The following YAP1 variants were observed in gnomAD, a reference collection of about 807,000 sequenced individuals.
The protein encoded by YAP1 is Yes1 associated transcriptional regulator.
YAP1 carries 5 observed loss-of-function variants against 56.9 expected under a neutral mutation model. The observed-to-expected ratio is 0.09, with a 90% CI of 0.05 to 0.18. The LOEUF (loss-of-function observed/expected upper bound fraction) is 0.18. Among genes scored for constraint, YAP1 ranks in the 10% least tolerant of loss-of-function variants. YAP1 has a pLI of 1.00. For missense variants in YAP1, 539 were observed against 651.8 expected, an observed-to-expected ratio of 0.83 and a Z score of 1.88; for synonymous variants, 265 against 248.1, an observed-to-expected ratio of 1.07 and a Z score of -0.64.
intron 2 of YAP1, among the ~76,000 whole-genome samples, chr11:102,160,355 T>G (rs1217896006): frequency 3.3e-5 from 5 of 152,130 alleles, no homozygotes; most frequent in Non-Finnish European, 5.9e-5. Context: ...AACCACCAAC[T>G]TAAAGGTGTA....
At chr11:102,186,263 G>A (rs1947940139) in intron 4 of YAP1, 132 bp downstream of exon 4, 1 of 973,126 alleles carries the variant, frequency 1.0e-6, no homozygotes, top group Non-Finnish European at 1.5e-6. Flanking sequence ...CCCACCCAAT[G>A]TTTACCAGTA....
intron 7 of YAP1, 150 bp from the exon 8 acceptor site, chr11:102,227,319 G>A (rs1591479739): frequency 1.6e-6 from 1 of 624,136 alleles, no homozygotes; most frequent in Non-Finnish European, 2.9e-6. Context: ...CTATGGCCCT[G>A]AGGGAGGGTG....
At chr11:102,140,412 A>G (rs1265960466) in intron 2 of YAP1, among the ~76,000 whole-genome samples, 1 of 152,198 alleles carries the variant, frequency 6.6e-6, no homozygotes, top group East Asian at 1.9e-4. Context: ...TCATATGGGC[A>G]TTCTATAAAA....
At chr11:102,150,231 G>A (rs1050488931) in intron 2 of YAP1, among the ~76,000 whole-genome samples, 4 of 151,916 alleles carry the variant, frequency 2.6e-5, no homozygotes, top group African/African-American at 4.8e-5. Flanking sequence ...TGATCCTCCC[G>A]CCTCGGCTTC....
chr11:102,223,223 G>GGT (rs1047307523), intron 6 of YAP1, among the ~76,000 whole-genome samples: 1 of 149,998 alleles, frequency 6.7e-6, no homozygotes, highest in African/African-American at 2.5e-5. Context: ...ACTCCAGCCT[G>GGT]GTGACAGAGT....
In YAP1 at chr11:102,231,332, C is replaced by G. The variant is rs1308209316; in HGVS notation, c.*1392C>G. ...TGGAAGTAAATTCTAGTTTGTAGTT[C>G]TCATTTGTAATGAACACATTAACGA... On this transcript the variant is annotated 3_prime_UTR_variant, in exon 9 of 9. Coordinates refer to ENST00000282441, the MANE Select transcript of YAP1 (RefSeq NM_001130145.3). 3 of 152,260 alleles carry G rather than the reference C, an allele frequency of 2.0e-5. No homozygotes were observed. The highest frequency in any genetic ancestry group is 7.2e-5 in the African/African-American group (3 of 41,544). The allele number at this position is 152,260 out of a possible 1,614,324, so 9.4% of individuals were successfully genotyped here.
intron 6 of YAP1, among the ~76,000 whole-genome samples, chr11:102,223,275 A>AG (rs1442845731): frequency 2.0e-5 from 3 of 151,408 alleles, no homozygotes; most frequent in African/African-American, 7.3e-5. Context: ...AAAAAAAAGA[A>AG]GAATTTTTTT....
intron 2 of YAP1, among the ~76,000 whole-genome samples, chr11:102,141,759 T>C (rs1328608974): frequency 6.6e-6 from 1 of 152,254 alleles, no homozygotes; most frequent in East Asian, 1.9e-4. Context: ...GCCTGATTGC[T>C]TATTCTCCTC....
chr11:102,170,508 T>C (rs1419249292), intron 3 of YAP1, among the ~76,000 whole-genome samples: 1 of 152,112 alleles, frequency 6.6e-6, no homozygotes, highest in African/African-American at 2.4e-5. Context: ...TGCTTTACTT[T>C]AGAGATTATC....
chr11:102,180,331 A>G lies in YAP1; in HGVS notation c.689-5687A>G, dbSNP rs1435583887. 2.6e-5 allele frequency among the ~76,000 whole-genome samples: 4 copies of G among 152,140 alleles called. No individual in the cohort carries two copies. The South Asian group carries it at 6.2e-4, about 24-fold the overall frequency. On this transcript the variant is annotated intron_variant, in intron 3 of 8. Transcript: ENST00000282441. ...GACAAAAATGGAAAATGCAAAATAT[A>G]TACTCCTGTGTTCAGGAATTTCACA...
At position 102,162,525 on chromosome 11, in the gene YAP1, C is replaced by T. The variant is rs781535466; in HGVS notation, c.642C>T (p.Ala214=). ...KAMLSQMNVT[A]PTSPPVQQNM... is the part of the protein sequence containing the mutation. ...TGCTGTCCCAGATGAACGTCACAGC[C>T]CCCACCAGTCCACCAGTGCAGCAGA... The change falls in exon 3 of 9, where the codon GCC becomes GCT. Residue 214 remains alanine (A), a synonymous_variant. Transcript: ENST00000282441. 9.3e-6 allele frequency: 15 copies of T among 1,614,158 alleles called. 2 individuals are homozygous for T. In the South Asian group the frequency reaches 1.3e-4, roughly 14 times the overall value.
rs1194456078 is a variant in YAP1, at chr11:102,222,866, T to C, written c.1033-756T>C. Among the ~76,000 whole-genome samples, 5 of 150,398 alleles carry C rather than the reference T, an allele frequency of 3.3e-5. No homozygotes were observed. In the East Asian group the frequency reaches 7.8e-4, roughly 23 times the overall value. Reference sequence around the variant, plus strand: ...CATCAGATGCTATTCTTCCTACTTCTTTTTTTTTGGCGGGGGAGGGGGTCG... The same window carrying C: ...CATCAGATGCTATTCTTCCTACTTCCTTTTTTTTGGCGGGGGAGGGGGTCG... On this transcript the variant is annotated intron_variant, in intron 6 of 8. Transcript: ENST00000282441.
At chr11:102,195,036 G>C (rs189979644) in intron 4 of YAP1, among the ~76,000 whole-genome samples, 80 of 152,178 alleles carry the variant, frequency 5.3e-4, no homozygotes, top group African/African-American at 1.7e-3. Context: ...GGTATTACAG[G>C]TGCAAATCAC....
chr11:102,151,012 G>T (rs1945621366), intron 2 of YAP1, among the ~76,000 whole-genome samples: 1 of 151,762 alleles, frequency 6.6e-6, no homozygotes, highest in South Asian at 2.1e-4. Context: ...TGTTGGCCAG[G>T]CTGGTCTCAA....
At position 102,115,446 on chromosome 11, in the gene YAP1, T is replaced by C. The variant is rs541737699; in HGVS notation, c.572+1052T>C. Among the ~76,000 whole-genome samples, 4 of 152,298 alleles carry C rather than the reference T, an allele frequency of 2.6e-5. No individual in the cohort carries two copies. In the East Asian group the frequency reaches 7.7e-4, roughly 29 times the overall value. On this transcript the variant is annotated intron_variant, in intron 2 of 8. Transcript: ENST00000282441. ...TGTGAATCCTAGTATGTGTTTTATA[T>C]TGATTGTCTTCCAGGGTGGGTTGCT...
At chr11:102,210,324 T>G (rs1949335769) in intron 6 of YAP1, among the ~76,000 whole-genome samples, 1 of 152,232 alleles carries the variant, frequency 6.6e-6, no homozygotes, top group Non-Finnish European at 1.5e-5. Context: ...AACCATATAA[T>G]GCCTCACCTT....
At chr11:102,160,901 C>G (rs1946232686) in intron 2 of YAP1, among the ~76,000 whole-genome samples, 1 of 152,054 alleles carries the variant, frequency 6.6e-6, no homozygotes, top group African/African-American at 2.4e-5. Flanking sequence ...ACTTGTATCC[C>G]TTCCTCTTGA....
intron 2 of YAP1, among the ~76,000 whole-genome samples, chr11:102,122,186 A>G (rs1943696097): frequency 6.6e-6 from 1 of 152,152 alleles, no homozygotes; most frequent in Non-Finnish European, 1.5e-5. Flanking sequence ...TTGGGAGGCT[A>G]AGGCAGGCAG....
chr11:102,168,430 A>G (rs1425121256), intron 3 of YAP1, among the ~76,000 whole-genome samples: 1 of 149,104 alleles, frequency 6.7e-6, no homozygotes, highest in Admixed American at 6.6e-5. Flanking sequence ...TGTACATTTG[A>G]TAACAACCCA....
Sources: gnomAD v4.1 joint callset for allele counts (sites outside exome capture counted in the v4.1 genomes callset) on GRCh38, gnomAD v4.1.1 for gene constraint, MANE v1.5 for transcripts, NCBI Gene and HGNC (gene_info 2026-07-23, HGNC 2026-07-21) for gene names.